KLF12: variants seen among roughly 807,000 people sequenced by gnomAD.
KLF12 encodes KLF transcription factor 12.
In KLF12, 9 loss-of-function variants were observed where a neutral mutation model predicts 37.8. The ratio of observed to expected loss-of-function variants is 0.24; its 90% confidence interval spans 0.14 to 0.42. KLF12 has a LOEUF of 0.42. Among genes scored for constraint, KLF12 ranks in the 10% least tolerant of loss-of-function variants. KLF12 has a pLI of 1.00. For missense variants in KLF12, 411 were observed against 516.0 expected (o/e 0.80, Z 1.97); for synonymous variants, 208 against 202.1 (o/e 1.03, Z -0.25).
chr13:74,162,877 A>C, the KLF12 span, among the ~76,000 whole-genome samples: 1 of 152,228 alleles, frequency 6.6e-6, no homozygotes, highest in Non-Finnish European at 1.5e-5. Flanking sequence ...AGGGATTACA[A>C]ATGAAAATAA....
chr13:74,101,294 T>C (rs1184529697), intron 1 of KLF12, among the ~76,000 whole-genome samples: 2 of 152,184 alleles, frequency 1.3e-5, no homozygotes, highest in Non-Finnish European at 2.9e-5. Context: ...AGCACTTCTT[T>C]GAGTTTCCTA....
At chr13:73,774,064 C>T (rs1369169921) in intron 5 of KLF12, among the ~76,000 whole-genome samples, 1 of 152,058 alleles carries the variant, frequency 6.6e-6, no homozygotes, top group Non-Finnish European at 1.5e-5. Context: ...AAAGTAAGAA[C>T]TATTTCTCCC....
chr13:73,797,113 T>C (rs1882018408), intron 5 of KLF12, among the ~76,000 whole-genome samples: 1 of 152,176 alleles, frequency 6.6e-6, no homozygotes, highest in South Asian at 2.1e-4. Context: ...TTCTTTGAAC[T>C]GCACCTTTAA....
At chr13:73,785,036 A>G (rs897130043) in intron 5 of KLF12, among the ~76,000 whole-genome samples, 2 of 151,992 alleles carry the variant, frequency 1.3e-5, no homozygotes, top group African/African-American at 4.8e-5. Flanking sequence ...ACATTTTCAT[A>G]GTAGGGCTAC....
the KLF12 span, among the ~76,000 whole-genome samples, chr13:74,268,407 C>T: frequency 6.6e-6 from 1 of 152,114 alleles, no homozygotes; most frequent in South Asian, 2.1e-4. Context: ...TAACAGATGC[C>T]TCTTAGCTCA....
chr13:74,188,024 A>G, the KLF12 span, among the ~76,000 whole-genome samples: 46 of 152,334 alleles, frequency 3.0e-4, no homozygotes, highest in South Asian at 9.5e-3. Flanking sequence ...TATAATAAAG[A>G]CATTTGTTCT....
chr13:73,973,648 G>C (rs1891412215), intron 2 of KLF12, among the ~76,000 whole-genome samples: 1 of 87,454 alleles, frequency 1.1e-5, no homozygotes, highest in Admixed American at 1.2e-4. Context: ...ACAAGACATA[G>C]AACATCTGCC....
intron 3 of KLF12, among the ~76,000 whole-genome samples, chr13:73,853,566 G>A (rs1455375810): frequency 1.1e-4 from 16 of 152,078 alleles, no homozygotes; most frequent in African/African-American, 3.9e-4. Flanking sequence ...GTGAAACCCT[G>A]TCTCTACTAA....
At chr13:73,937,807 G>A (rs551319613) in intron 3 of KLF12, among the ~76,000 whole-genome samples, 1 of 151,990 alleles carries the variant, frequency 6.6e-6, no homozygotes, top group East Asian at 1.9e-4. Context: ...TATATTTATT[G>A]GCCATTCTGA....
chr13:73,777,630 C>T (rs1466977911), intron 5 of KLF12, among the ~76,000 whole-genome samples: 1 of 151,924 alleles, frequency 6.6e-6, no homozygotes, highest in Non-Finnish European at 1.5e-5. Context: ...ATCGCTTGAA[C>T]CCGGTAGGCA....
At chr13:73,843,186 T>A (rs1371214965) in intron 4 of KLF12, among the ~76,000 whole-genome samples, 1 of 152,224 alleles carries the variant, frequency 6.6e-6, no homozygotes, top group African/African-American at 2.4e-5. Context: ...TCCATACTTG[T>A]TTTTATAAAA....
At chr13:73,710,170 A>C (rs973394429) in intron 7 of KLF12, among the ~76,000 whole-genome samples, 8 of 152,198 alleles carry the variant, frequency 5.3e-5, no homozygotes, top group Admixed American at 4.6e-4. Flanking sequence ...ATTAAGGGAC[A>C]GCTCCAACCA....
At chr13:74,183,162 G>T in the KLF12 span, among the ~76,000 whole-genome samples, 1 of 152,092 alleles carries the variant, frequency 6.6e-6, no homozygotes, top group Non-Finnish European at 1.5e-5. Flanking sequence ...TGTCTACTAT[G>T]TACCTACTCT....
At chr13:74,043,180 GT>G (rs1177672457) in intron 1 of KLF12, among the ~76,000 whole-genome samples, 2 of 152,170 alleles carry the variant, frequency 1.3e-5, no homozygotes, top group Non-Finnish European at 2.9e-5. Context: ...TGAAGCTTGC[GT>G]AAGTATCCCA....
the KLF12 span, among the ~76,000 whole-genome samples, chr13:74,275,710 T>A: frequency 6.6e-6 from 1 of 151,732 alleles, no homozygotes; most frequent in Admixed American, 6.6e-5. Flanking sequence ...CTTTTTTTTT[T>A]TTCTAGACAC....
the KLF12 span, among the ~76,000 whole-genome samples, chr13:74,297,568 T>C: frequency 2.0e-5 from 3 of 152,214 alleles, no homozygotes; most frequent in African/African-American, 7.2e-5. Context: ...GGGCTTTTGA[T>C]AGATTTTGTC....
chr13:73,706,506 A>G (rs1593983112), intron 7 of KLF12, among the ~76,000 whole-genome samples: 1 of 152,308 alleles, frequency 6.6e-6, no homozygotes, highest in Middle Eastern at 3.4e-3. Context: ...CTAAACAGTA[A>G]CTCTCCATGA....
intron 1 of KLF12, among the ~76,000 whole-genome samples, chr13:74,017,778 GA>G (rs1892736346): frequency 6.6e-6 from 1 of 152,018 alleles, no homozygotes; most frequent in African/African-American, 2.4e-5. Flanking sequence ...TGAGTTGAAA[GA>G]AATTGGCCAA....
At chr13:74,144,510 T>C in the KLF12 span, among the ~76,000 whole-genome samples, 11 of 152,200 alleles carry the variant, frequency 7.2e-5, no homozygotes. Flanking sequence ...TTGTATTTCT[T>C]TCACATCAAT....
Sources: allele counts gnomAD v4.1 joint callset (sites outside exome capture counted in the v4.1 genomes callset), GRCh38; gene constraint gnomAD v4.1.1; transcripts MANE v1.5; gene names NCBI Gene and HGNC (gene_info 2026-07-23, HGNC 2026-07-21).